The following XIRP2 variants were observed in gnomAD, a reference collection of about 807,000 sequenced individuals.
XIRP2 encodes xin actin-binding repeat-containing protein 2.
A neutral mutation model predicts 277.0 loss-of-function variants in XIRP2; 236 were observed. The ratio of observed to expected loss-of-function variants is 0.85; its 90% CI spans 0.77 to 0.95. The LOEUF (loss-of-function observed/expected upper bound fraction) is 0.95, where lower values mean the gene tolerates loss of function less well. Ranked by LOEUF, XIRP2 falls within the 40% of genes least tolerant of loss-of-function variation. The probability of loss-of-function intolerance (pLI) is 0.00; values close to 1 mark genes in which losing one functional copy is unlikely to be tolerated. For missense variants in XIRP2, 4,640 were observed against 4,157.5 expected (o/e 1.12, Z -3.19); for synonymous variants, 1,490 against 1,416.5 (o/e 1.05, Z -1.17).
chr2:167,254,509 G>T (rs1334959066), intron 10 of XIRP2, among the ~76,000 whole-genome samples: 2 of 151,836 alleles, frequency 1.3e-5, no homozygotes, highest in Non-Finnish European at 2.9e-5. Context: ...TTCTGTTAAG[G>T]TCTAGATCAT....
In XIRP2 at chr2:166,916,224, T is replaced by A. The variant is rs189751694; in HGVS notation, c.408+12334T>A. On this transcript the variant is annotated intron_variant, in intron 2 of 10. Transcript: ENST00000409195. The stretch of plus-strand genomic sequence containing the variant: ...GGCTTACATTTTGGCTTCCACTACA[T>A]AAAATCATTTCATTAGATGCTAGAA... Among the ~76,000 whole-genome samples the A allele has an allele frequency of 7.5e-3, 1,143 of 152,282 alleles. 10 individuals are homozygous for A. The highest frequency in any genetic ancestry group is 9.5e-3 in the Non-Finnish European group (648 of 68,012).
intron 3 of XIRP2, 26 bp from the exon 4 acceptor site, chr2:167,210,709 T>G (rs558758917): frequency 6.2e-7 from 1 of 1,613,074 alleles, no homozygotes; most frequent in South Asian, 1.1e-5. Flanking sequence ...AACACACATG[T>G]GTAAGCATGC....
At chr2:167,226,464 C>G (rs1250743525) in intron 5 of XIRP2, among the ~76,000 whole-genome samples, 1 of 152,134 alleles carries the variant, frequency 6.6e-6, no homozygotes, top group African/African-American at 2.4e-5. Context: ...GATTCTTGCT[C>G]AAGTTATGAA....
chr2:166,971,684 A>G (rs1310780031), intron 2 of XIRP2, among the ~76,000 whole-genome samples: 1 of 152,160 alleles, frequency 6.6e-6, no homozygotes, highest in Non-Finnish European at 1.5e-5. Context: ...AAAATCAGAC[A>G]TTGATCTACA....
At chr2:167,106,601 TAAATCTTA>T (rs1690625824) in intron 2 of XIRP2, among the ~76,000 whole-genome samples, 1 of 151,738 alleles carries the variant, frequency 6.6e-6, no homozygotes, top group African/African-American at 2.4e-5. Flanking sequence ...ATTCTTAAAA[TAAATCTTA>T]AAATCTTAAA....
At chr2:167,138,892 C>A (rs1213403770) in intron 3 of XIRP2, among the ~76,000 whole-genome samples, 1 of 152,070 alleles carries the variant, frequency 6.6e-6, no homozygotes, top group South Asian at 2.1e-4. Flanking sequence ...CATGGTGAAA[C>A]CCCATCTCTA....
chr2:167,125,901 A>T (rs1390792059), intron 2 of XIRP2, among the ~76,000 whole-genome samples: 1 of 152,184 alleles, frequency 6.6e-6, no homozygotes, highest in East Asian at 1.9e-4. Context: ...GGTTATAGTT[A>T]TATGAAGTTA....
At chr2:166,937,445 C>T (rs991477908) in intron 2 of XIRP2, among the ~76,000 whole-genome samples, 15 of 152,046 alleles carry the variant, frequency 9.9e-5, no homozygotes, top group Admixed American at 5.9e-4. Flanking sequence ...GGGATGAAGC[C>T]GACTTGGTCA....
At chr2:167,144,519 C>G (rs1341846821) in intron 3 of XIRP2, among the ~76,000 whole-genome samples, 1 of 151,862 alleles carries the variant, frequency 6.6e-6, no homozygotes, top group Admixed American at 6.6e-5. Context: ...TTGCCAAACA[C>G]AATAGGAAAC....
At chr2:167,050,613 G>A (rs1157190177) in intron 2 of XIRP2, among the ~76,000 whole-genome samples, 1 of 151,934 alleles carries the variant, frequency 6.6e-6, no homozygotes, top group Non-Finnish European at 1.5e-5. Flanking sequence ...ACACCCTATA[G>A]ATAATTTCAC....
intron 3 of XIRP2, among the ~76,000 whole-genome samples, chr2:167,174,425 A>C (rs182052082): frequency 1.3e-5 from 2 of 152,280 alleles, no homozygotes; most frequent in Non-Finnish European, 2.9e-5. Flanking sequence ...ATATTCTCTG[A>C]TGGTAGCTTG....
At chr2:167,186,654 A>C (rs2105361849) in intron 3 of XIRP2, among the ~76,000 whole-genome samples, 1 of 152,218 alleles carries the variant, frequency 6.6e-6, no homozygotes, top group East Asian at 1.9e-4. Context: ...AGGACATTTA[A>C]TATGATTCTC....
intron 5 of XIRP2, among the ~76,000 whole-genome samples, chr2:167,235,036 C>A (rs897149512): frequency 6.6e-6 from 1 of 151,844 alleles, no homozygotes; most frequent in Admixed American, 6.6e-5. Flanking sequence ...ATCCTTACCT[C>A]TGTGTATGTG....
chr2:166,950,181 A>C (rs1486724731), intron 2 of XIRP2, among the ~76,000 whole-genome samples: 2 of 152,072 alleles, frequency 1.3e-5, no homozygotes, highest in African/African-American at 2.4e-5. Flanking sequence ...CAAATGCTAA[A>C]GGTAGCATTT....
chr2:167,022,843 A>G (rs1421165511), intron 2 of XIRP2, among the ~76,000 whole-genome samples: 1 of 152,142 alleles, frequency 6.6e-6, no homozygotes, highest in Non-Finnish European at 1.5e-5. Flanking sequence ...TTTTCTTAAT[A>G]CAGTCCATCA....
chr2:167,023,898 T>C lies in XIRP2; in HGVS notation c.409-112011T>C, dbSNP rs544090259. The stretch of plus-strand genomic sequence containing the variant: ...TTGAAGTCAGGTAGCGTGATGCCTC[T>C]GGCTGTGTTCTTTTGGCTTAGGATT... On this transcript the variant is annotated intron_variant, in intron 2 of 10. Transcript: ENST00000409195. 3.4e-3 allele frequency among the ~76,000 whole-genome samples: 522 copies of C among 152,184 alleles called. 7 individuals carry two copies. Among genetic ancestry groups the C allele is most frequent in the African/African-American group, 0.012 (483 of 41,512 alleles).
rs866436677 is a variant in XIRP2 at position 167,245,108 on chromosome 2, G to T, written c.3716G>T (p.Cys1239Phe). Residue 1239 changes from cysteine (C) to phenylalanine (F), a missense_variant, in exon 9 of 11, where the codon TGT becomes TTT. Physicochemically the swap from Cys to Phe is radical, Grantham distance 205. Transcript: ENST00000409195. ...ATTCAGAAAGGCAATGTTTTAAATTGTAGGTGGCTTTTTGAAAACCAACCA... is the reference window on the plus strand; with the variant it reads ...ATTCAGAAAGGCAATGTTTTAAATTTTAGGTGGCTTTTTGAAAACCAACCA... ...EDIQKGNVLN[C>F]RWLFENQPID... is the part of the protein sequence containing the mutation. The T allele has an allele frequency of 4.9e-5, 79 of 1,610,556 alleles. No individual in the cohort carries two copies. The Middle Eastern group carries it at 1.2e-3, about 24-fold the overall frequency.
intron 2 of XIRP2, among the ~76,000 whole-genome samples, chr2:166,915,080 G>A (rs1371096694): frequency 6.6e-6 from 1 of 151,816 alleles, no homozygotes; most frequent in Non-Finnish European, 1.5e-5. Context: ...GGTGGATCAT[G>A]AGGTCAGGAG....
intron 2 of XIRP2, among the ~76,000 whole-genome samples, chr2:167,132,799 C>T (rs563252322): frequency 6.6e-5 from 10 of 152,218 alleles, no homozygotes; most frequent in Non-Finnish European, 1.0e-4. Flanking sequence ...AGCTGAAGGT[C>T]GTTTCCCTGG....
Sources: allele counts gnomAD v4.1 joint callset (sites outside exome capture counted in the v4.1 genomes callset), GRCh38; gene constraint gnomAD v4.1.1; transcripts MANE v1.5; gene names NCBI Gene and HGNC (gene_info 2026-07-23, HGNC 2026-07-21).